Variants in HS1BP3 observed in about 807,000 individuals in gnomAD.
HS1BP3 encodes HCLS1-binding protein 3.
A neutral mutation model predicts 33.5 loss-of-function variants in HS1BP3; 32 were observed. The observed-to-expected ratio is 0.95, with a 90% confidence interval of 0.72 to 1.28. The LOEUF is 1.28. Ranked by LOEUF, HS1BP3 falls within the 50% of genes most tolerant of loss-of-function variation. The pLI is 0.00. For missense variants in HS1BP3, 486 were observed against 502.3 expected (o/e 0.97, Z 0.31); for synonymous variants, 187 against 209.2 (o/e 0.89, Z 0.92).
intron 2 of HS1BP3, among the ~76,000 whole-genome samples, chr2:20,612,452 TC>T (rs1694336230): frequency 6.6e-6 from 1 of 152,238 alleles, no homozygotes; most frequent in South Asian, 2.1e-4. Flanking sequence ...TGGGAAAGAT[TC>T]TTTGTGCCCT....
chr2:20,631,153 C>T (rs1179127245), intron 4 of HS1BP3, among the ~76,000 whole-genome samples: 1 of 152,114 alleles, frequency 6.6e-6, no homozygotes, highest in African/African-American at 2.4e-5. Context: ...GTCCTGGGAG[C>T]TGCCTGGTGA....
At chr2:20,567,596 C>G (rs973486777) in intron 5 of HS1BP3, among the ~76,000 whole-genome samples, 5 of 152,190 alleles carry the variant, frequency 3.3e-5, no homozygotes, top group Non-Finnish European at 5.9e-5. Context: ...TACTTCCCCC[C>G]CAGACACAGC....
chr2:20,563,112 G>T (rs370137982), intron 5 of HS1BP3, among the ~76,000 whole-genome samples: 1 of 152,230 alleles, frequency 6.6e-6, no homozygotes, highest in Non-Finnish European at 1.5e-5. Context: ...CTGTGAAGGC[G>T]TGTGCATCCT....
At position 20,598,553 on chromosome 2, in the gene HS1BP3, T is replaced by C. The variant is rs1401674201; in HGVS notation, c.179-288A>G. Among the ~76,000 whole-genome samples, 4 of 108,220 alleles carry C rather than the reference T, an allele frequency of 3.7e-5. 1 individual carries two copies. Among genetic ancestry groups the C allele is most frequent in the Non-Finnish European group, 7.6e-5 (4 of 52,730 alleles). The allele number at this position is 108,220 out of a possible 152,430, so 71.0% of individuals were successfully genotyped here. ...GACCGGTACTTCTTTTTTTTTTTTTTTTTTTTTTTTTTTTTTTTTTTTTGA... is the reference window on the plus strand; with the variant it reads ...GACCGGTACTTCTTTTTTTTTTTTTCTTTTTTTTTTTTTTTTTTTTTTTGA... On this transcript the variant is annotated intron_variant, in intron 2 of 3. Transcript: ENST00000415264.
chr2:20,619,276 T>G, intron 6 of HS1BP3, 31 bp from the exon 7 acceptor site: 1 of 1,533,250 alleles, frequency 6.5e-7, no homozygotes, highest in Non-Finnish European at 8.9e-7. Flanking sequence ...ACCCTGAGCA[T>G]AACACTGCCA....
Position 20,619,155 on chromosome 2 carries a change from C to T in HS1BP3, c.1011G>A (p.Lys337=). ...CAGCTGGTTTTCTGGGTATCACCGG[C>T]TTAGCTGCCACTGGTGGCTTGGGCT... ...QLKPKPPVAA[K]PVIPRKPAVP... Residue 337 remains lysine, a synonymous_variant, in exon 7 of 7, where the codon AAG becomes AAA. Transcript: ENST00000304031. The T allele has an allele frequency of 6.2e-7, 1 of 1,614,172 alleles. No homozygotes were observed. Among genetic ancestry groups the T allele is most frequent in the Non-Finnish European group, 8.5e-7 (1 of 1,180,018 alleles).
chr2:20,599,732 T>C (rs1694029262), intron 2 of HS1BP3, among the ~76,000 whole-genome samples: 1 of 151,952 alleles, frequency 6.6e-6, no homozygotes, highest in African/African-American at 2.4e-5. Context: ...CCAAACATGT[T>C]CTTCTTTGGA....
chr2:20,581,122 A>G (rs914600872), intron 5 of HS1BP3, among the ~76,000 whole-genome samples: 2 of 152,178 alleles, frequency 1.3e-5, no homozygotes, highest in African/African-American at 4.8e-5. Flanking sequence ...TCAGTCTCAG[A>G]GCATGCCCAC....
downstream of HS1BP3, among the ~76,000 whole-genome samples, chr2:20,589,938 T>TC (rs1693772306): frequency 6.6e-6 from 1 of 152,048 alleles, no homozygotes; most frequent in South Asian, 2.1e-4. Context: ...CTCCAGTAGT[T>TC]CCCCCTGGAC....
At chr2:20,581,982 G>A (rs768888810) in intron 5 of HS1BP3, among the ~76,000 whole-genome samples, 2 of 152,216 alleles carry the variant, frequency 1.3e-5, no homozygotes, top group African/African-American at 2.4e-5. Context: ...CCCAGTCCCT[G>A]TTACAAGGGT....
chr2:20,574,695 C>A (rs1343564345), intron 5 of HS1BP3, among the ~76,000 whole-genome samples: 1 of 152,196 alleles, frequency 6.6e-6, no homozygotes, highest in Non-Finnish European at 1.5e-5. Context: ...CACCTGGCTT[C>A]CCCCAGCAGC....
chr2:20,558,739 A>G (rs1692900904), downstream of HS1BP3, among the ~76,000 whole-genome samples: 1 of 152,146 alleles, frequency 6.6e-6, no homozygotes, highest in African/African-American at 2.4e-5. Context: ...AGTGGTAGAG[A>G]CACTGGAGCA....
chr2:20,633,912 T>C (rs1695041856), intron 4 of HS1BP3, among the ~76,000 whole-genome samples: 1 of 152,244 alleles, frequency 6.6e-6, no homozygotes, highest in South Asian at 2.1e-4. Flanking sequence ...GCCGCCTGCG[T>C]GACGCTGCAG....
intron 4 of HS1BP3, among the ~76,000 whole-genome samples, chr2:20,630,269 G>A (rs550297458): frequency 6.6e-6 from 1 of 152,070 alleles, no homozygotes; most frequent in African/African-American, 2.4e-5. Context: ...TTGTTTTTTG[G>A]GTTTTTGTTT....
downstream of HS1BP3, among the ~76,000 whole-genome samples, chr2:20,588,482 AT>A (rs962777363): frequency 4.0e-5 from 6 of 151,066 alleles, no homozygotes; most frequent in Admixed American, 6.6e-5. Context: ...CGCCTGGCTA[AT>A]TTTTTTTTGC....
At position 20,640,962 on chromosome 2, in the gene HS1BP3, G is replaced by C. The variant is rs1286592386; in HGVS notation, c.406+11C>G. On this transcript the variant is annotated intron_variant, in intron 3 of 6. Transcript: ENST00000304031. ...GGAGACCTGAGGGACATGGGGCAGAGCCTTGGGTACCTAAGAACTCTAGCA... is the reference window on the plus strand; with the variant it reads ...GGAGACCTGAGGGACATGGGGCAGACCCTTGGGTACCTAAGAACTCTAGCA... 6.2e-6 allele frequency: 10 copies of C among 1,613,872 alleles called. No individual in the cohort carries two copies. Among genetic ancestry groups the C allele is most frequent in the Non-Finnish European group, 7.6e-6 (9 of 1,179,744 alleles).
intron 5 of HS1BP3, among the ~76,000 whole-genome samples, chr2:20,567,428 A>C (rs551757649): frequency 6.6e-6 from 1 of 152,310 alleles, no homozygotes; most frequent in South Asian, 2.1e-4. Context: ...GCAGGGCCAC[A>C]GGAGGGCCCG....
chr2:20,587,468 G>A (rs1693709196), intron 5 of HS1BP3, among the ~76,000 whole-genome samples: 1 of 152,184 alleles, frequency 6.6e-6, no homozygotes, highest in African/African-American at 2.4e-5. Context: ...TGTTTCAGAG[G>A]GTAGAGGTGA....
intron 2 of HS1BP3, among the ~76,000 whole-genome samples, chr2:20,603,051 G>A (rs983413653): frequency 3.9e-5 from 6 of 152,182 alleles, no homozygotes; most frequent in Non-Finnish European, 2.9e-5. Context: ...CATGAGGATG[G>A]CTATCATTAA....
Sources: allele counts gnomAD v4.1 joint callset (sites outside exome capture counted in the v4.1 genomes callset), GRCh38; gene constraint gnomAD v4.1.1; transcripts MANE v1.5; gene names NCBI Gene and HGNC (gene_info 2026-07-23, HGNC 2026-07-21).